FNDC3A: variants seen among roughly 807,000 people sequenced by gnomAD.
The protein encoded by FNDC3A is fibronectin type III domain containing 3A.
Under a neutral mutation model 148.9 loss-of-function variants are expected in FNDC3A, and 32 were observed. That is an observed-to-expected ratio of 0.21 (90% CI 0.16 to 0.29). FNDC3A has a LOEUF of 0.29. Ranked by LOEUF, FNDC3A falls within the 10% of genes least tolerant of loss-of-function variation. FNDC3A has a pLI of 1.00. For synonymous variants in FNDC3A, 472 were observed against 473.6 expected (o/e 1.00, Z 0.04); for missense variants, 1,191 against 1,452.8 (o/e 0.82, Z 2.93).
At chr13:49,066,926 A>G (rs1320615473) in intron 2 of FNDC3A, among the ~76,000 whole-genome samples, 1 of 152,088 alleles carries the variant, frequency 6.6e-6, no homozygotes, top group Non-Finnish European at 1.5e-5. Context: ...ATTGTTTTGC[A>G]TCTGTATATG....
chr13:48,986,845 A>G (rs1311984314), intron 1 of FNDC3A, among the ~76,000 whole-genome samples: 1 of 152,234 alleles, frequency 6.6e-6, no homozygotes, highest in African/African-American at 2.4e-5. Context: ...AGACAAATCT[A>G]CTTATAGGAA....
At chr13:49,171,400 C>G (rs1884747709) in intron 10 of FNDC3A, among the ~76,000 whole-genome samples, 1 of 152,012 alleles carries the variant, frequency 6.6e-6, no homozygotes, top group Non-Finnish European at 1.5e-5. Context: ...TAGGGGTGAC[C>G]ATTTATTCTG....
chr13:49,152,278 G>A (rs1456919895), intron 8 of FNDC3A, among the ~76,000 whole-genome samples: 4 of 152,162 alleles, frequency 2.6e-5, no homozygotes, highest in African/African-American at 9.7e-5. Flanking sequence ...TCTAACTGGT[G>A]TGAGATGGGA....
At chr13:49,182,005 AG>A (rs1885331244) in intron 14 of FNDC3A, among the ~76,000 whole-genome samples, 1 of 152,082 alleles carries the variant, frequency 6.6e-6, no homozygotes, top group Non-Finnish European at 1.5e-5. Context: ...ATTTTGAGAC[AG>A]GGGCTCACAC....
intron 2 of FNDC3A, among the ~76,000 whole-genome samples, chr13:49,027,403 T>A (rs1873795192): frequency 1.3e-5 from 2 of 152,192 alleles, no homozygotes; most frequent in South Asian, 4.1e-4. Context: ...GTTGAGTAGA[T>A]ACGAAGAAAT....
At chr13:49,166,118 G>A (rs539636338) in intron 8 of FNDC3A, among the ~76,000 whole-genome samples, 6 of 152,320 alleles carry the variant, frequency 3.9e-5, no homozygotes, top group East Asian at 1.9e-4. Context: ...AGGTGGAGGC[G>A]GCAGTGGCTA....
In FNDC3A at chr13:49,003,340, C is replaced by T. The variant is rs560313723; in HGVS notation, c.-39-2812C>T. Among the ~76,000 whole-genome samples, 20 of 152,318 alleles carry T rather than the reference C, an allele frequency of 1.3e-4. No individual in the cohort carries two copies. In the South Asian group the frequency reaches 3.9e-3, roughly 30 times the overall value. ...TCAGCCTCCCAAAGTCCTAGAATTA[C>T]AGGCATGAACCACTGCACCCGGCCA... On this transcript the variant is annotated intron_variant, in intron 1 of 25. Coordinates refer to ENST00000492622, the MANE Select transcript of FNDC3A (RefSeq NM_001079673.2).
intron 3 of FNDC3A, among the ~76,000 whole-genome samples, chr13:49,099,202 T>G (rs1879712447): frequency 6.6e-6 from 1 of 152,160 alleles, no homozygotes; most frequent in Non-Finnish European, 1.5e-5. Context: ...TGTGATAGAT[T>G]TGGTTGACCA....
At chr13:49,101,794 GTTTT>G (rs570292116) in intron 3 of FNDC3A, among the ~76,000 whole-genome samples, 1 of 103,372 alleles carries the variant, frequency 9.7e-6, no homozygotes, top group Admixed American at 9.6e-5. Flanking sequence ...ACCTGCTTTA[GTTTT>G]TTTTTTTTTT....
At chr13:49,062,439 CCT>C (rs1254678779) in intron 2 of FNDC3A, among the ~76,000 whole-genome samples, 8 of 152,236 alleles carry the variant, frequency 5.3e-5, no homozygotes, top group African/African-American at 1.7e-4. Context: ...TGATTCAGCC[CCT>C]GTTTATCTTT....
chr13:49,113,101 C>T (rs924753914), intron 3 of FNDC3A, among the ~76,000 whole-genome samples: 2 of 148,888 alleles, frequency 1.3e-5, no homozygotes, highest in African/African-American at 5.0e-5. Flanking sequence ...TTCCTCCTCC[C>T]CCTTACCCTT....
intron 1 of FNDC3A, among the ~76,000 whole-genome samples, chr13:48,997,871 A>C (rs2137580547): frequency 6.6e-6 from 1 of 151,706 alleles, no homozygotes; most frequent in African/African-American, 2.4e-5. Context: ...TAATGAGTAG[A>C]GGCTGGAAAA....
Position 49,197,885 on chromosome 13 carries a change from T to G in FNDC3A, c.2490+11T>G. 1.3e-6 allele frequency: 2 copies of G among 1,596,344 alleles called. No homozygotes were observed. The highest frequency in any genetic ancestry group is 1.7e-6 in the Non-Finnish European group (2 of 1,175,314). Reference sequence around the variant, plus strand: ...TATTGCAGGGTCCAGGTAAAGATGATCAGTACCTTGTCACTTAACTCTATC... The same window carrying G: ...TATTGCAGGGTCCAGGTAAAGATGAGCAGTACCTTGTCACTTAACTCTATC... On this transcript the variant is annotated intron_variant, in intron 21 of 25. Coordinates refer to ENST00000492622, the MANE Select transcript of FNDC3A (RefSeq NM_001079673.2).
At chr13:49,122,357 T>A (rs1316721406) in intron 4 of FNDC3A, among the ~76,000 whole-genome samples, 1 of 151,992 alleles carries the variant, frequency 6.6e-6, no homozygotes, top group Admixed American at 6.5e-5. Context: ...CTCAAAATAA[T>A]AAGAGCTGTT....
intron 10 of FNDC3A, among the ~76,000 whole-genome samples, chr13:49,169,463 A>G (rs1275339857): frequency 3.3e-5 from 5 of 152,214 alleles, no homozygotes; most frequent in Non-Finnish European, 5.9e-5. Context: ...CTAGAGGAAG[A>G]GAACAATTCC....
At chr13:48,976,356 C>T (rs867829560) in intron 1 of FNDC3A, among the ~76,000 whole-genome samples, 179 bp downstream of exon 1, 2 of 152,140 alleles carry the variant, frequency 1.3e-5, no homozygotes, top group Non-Finnish European at 2.9e-5. Flanking sequence ...GCGCTGTGGG[C>T]AGAGGTGCAG....
chr13:49,006,069 A>G, intron 1 of FNDC3A, 83 bp from the exon 2 acceptor site: 1 of 501,484 alleles, frequency 2.0e-6, no homozygotes. Context: ...CTTTAGGTTA[A>G]AGAATGAAAC....
intron 2 of FNDC3A, among the ~76,000 whole-genome samples, chr13:49,007,733 A>G (rs1952247659): frequency 6.6e-6 from 1 of 150,828 alleles, no homozygotes; most frequent in South Asian, 2.1e-4. Context: ...GTAGATGGCT[A>G]TAGAGAAAGG....
Position 49,126,229 on chromosome 13 carries a change from T to C in FNDC3A, c.253-4908T>C, listed in dbSNP as rs555011508. Among the ~76,000 whole-genome samples, 77 of 152,160 alleles carry C rather than the reference T, an allele frequency of 5.1e-4. 1 individual carries two copies. In the South Asian group the frequency reaches 0.01, roughly 20 times the overall value. On this transcript the variant is annotated intron_variant, in intron 4 of 25. Transcript: ENST00000492622. ...TTGGTTCTTGTCTGGCTTTTTTTTTTCCCCTCTTCTGTCTACATCTTAGGT... is the reference window on the plus strand; with the variant it reads ...TTGGTTCTTGTCTGGCTTTTTTTTTCCCCCTCTTCTGTCTACATCTTAGGT...
Sources: gnomAD v4.1 joint callset for allele counts (sites outside exome capture counted in the v4.1 genomes callset) on GRCh38, gnomAD v4.1.1 for gene constraint, MANE v1.5 for transcripts, NCBI Gene and HGNC (gene_info 2026-07-23, HGNC 2026-07-21) for gene names.